The following TENM2 variants were observed in gnomAD, a reference collection of about 807,000 sequenced individuals.
The protein encoded by TENM2 is teneurin-2.
TENM2 carries 52 observed loss-of-function variants against 245.2 expected under a neutral mutation model. The observed-to-expected ratio is 0.21, with a 90% CI of 0.17 to 0.27. TENM2 has a LOEUF of 0.27. TENM2 is among the 10% of genes least tolerant of loss of function. The pLI, the probability that TENM2 is intolerant of heterozygous loss-of-function variation, is 1.00. For synonymous variants in TENM2, 1,363 were observed against 1,438.9 expected (o/e 0.95, Z 1.19); for missense variants, 3,046 against 3,666.8 (o/e 0.83, Z 4.37).
At chr5:168,253,994 C>T (rs144586735) in intron 27 of TENM2, among the ~76,000 whole-genome samples, 2 of 152,354 alleles carry the variant, frequency 1.3e-5, no homozygotes, top group African/African-American at 4.8e-5. Flanking sequence ...CTACGAACCC[C>T]AGGCACACTT....
the TENM2 span, among the ~76,000 whole-genome samples, chr5:167,112,901 C>T: frequency 6.6e-6 from 1 of 152,096 alleles, no homozygotes; most frequent in African/African-American, 2.4e-5. Context: ...ATGACAATGG[C>T]CTCTTTCCAA....
chr5:166,981,759 T>C, the TENM2 span, among the ~76,000 whole-genome samples: 5 of 152,308 alleles, frequency 3.3e-5, no homozygotes, highest in East Asian at 9.6e-4. Context: ...ATTTTTTTCC[T>C]ACTGAGGTTG....
the TENM2 span, among the ~76,000 whole-genome samples, chr5:167,086,843 C>A: frequency 6.6e-6 from 1 of 151,980 alleles, no homozygotes; most frequent in African/African-American, 2.4e-5. Flanking sequence ...ATCATAATCC[C>A]TTATCAGGGA....
the TENM2 span, among the ~76,000 whole-genome samples, chr5:167,048,048 G>A: frequency 3.3e-5 from 5 of 152,204 alleles, no homozygotes; most frequent in East Asian, 9.7e-4. Context: ...TATGCTCAGT[G>A]GCTTTGCCAG....
At chr5:167,050,000 G>T in the TENM2 span, among the ~76,000 whole-genome samples, 1 of 152,292 alleles carries the variant, frequency 6.6e-6, no homozygotes, top group East Asian at 1.9e-4. Flanking sequence ...ATGAGTCAAA[G>T]GTGGAGTTGA....
At chr5:167,550,609 C>T (rs1042988743) in intron 2 of TENM2, among the ~76,000 whole-genome samples, 2 of 152,018 alleles carry the variant, frequency 1.3e-5, no homozygotes, top group Non-Finnish European at 2.9e-5. Flanking sequence ...GAATCTTTCA[C>T]ACACTTACAC....
intron 2 of TENM2, among the ~76,000 whole-genome samples, chr5:167,435,341 C>A (rs745493940): frequency 6.6e-6 from 1 of 152,140 alleles, no homozygotes; most frequent in Non-Finnish European, 1.5e-5. Context: ...GTCTTTCCTA[C>A]GCTGTTATCG....
intron 2 of TENM2, among the ~76,000 whole-genome samples, chr5:167,437,961 AT>A (rs1764659840): frequency 1.3e-5 from 2 of 152,230 alleles, no homozygotes; most frequent in South Asian, 4.1e-4. Context: ...ATACAGATAC[AT>A]TGAAGTTCTC....
intron 5 of TENM2, among the ~76,000 whole-genome samples, chr5:168,031,926 A>G (rs893264317): frequency 3.3e-5 from 5 of 152,076 alleles, no homozygotes; most frequent in Non-Finnish European, 7.4e-5. Context: ...TTCCAAAGCT[A>G]CTCTAATCAC....
At chr5:167,466,347 G>A (rs549904351) in intron 2 of TENM2, among the ~76,000 whole-genome samples, 2 of 152,320 alleles carry the variant, frequency 1.3e-5, no homozygotes, top group South Asian at 4.1e-4. Context: ...TCAATTGGGT[G>A]TTAGAGACAC....
chr5:168,045,169 T>C (rs1020856454), intron 5 of TENM2, among the ~76,000 whole-genome samples: 1 of 152,210 alleles, frequency 6.6e-6, no homozygotes, highest in Non-Finnish European at 1.5e-5. Flanking sequence ...CTTATTTTTC[T>C]TCTCACTCCT....
the TENM2 span, among the ~76,000 whole-genome samples, chr5:167,217,691 T>C: frequency 6.8e-6 from 1 of 146,288 alleles, no homozygotes; most frequent in South Asian, 2.1e-4. Context: ...ATATATAAAA[T>C]GATAATATAT....
At chr5:166,984,477 A>G in the TENM2 span, among the ~76,000 whole-genome samples, 1 of 150,240 alleles carries the variant, frequency 6.7e-6, no homozygotes, top group African/African-American at 2.5e-5. Flanking sequence ...ATAAGTGTCT[A>G]TGTGGAAAAA....
At chr5:167,559,906 G>A (rs1224685067) in intron 2 of TENM2, among the ~76,000 whole-genome samples, 1 of 152,152 alleles carries the variant, frequency 6.6e-6, no homozygotes, top group Non-Finnish European at 1.5e-5. Flanking sequence ...GTCGACAAAT[G>A]CAGGCACTCC....
chr5:168,056,025 C>T (rs1006770094), intron 6 of TENM2, among the ~76,000 whole-genome samples: 1 of 152,234 alleles, frequency 6.6e-6, no homozygotes, highest in Admixed American at 6.5e-5. Flanking sequence ...TGTTTCCTTG[C>T]TGTCTGCCTC....
intron 2 of TENM2, among the ~76,000 whole-genome samples, chr5:167,717,176 G>A (rs1375639413): frequency 1.3e-5 from 2 of 151,808 alleles, no homozygotes; most frequent in Admixed American, 6.6e-5. Flanking sequence ...GGCTGGCCTC[G>A]AACTCCTGGC....
At chr5:167,974,406 A>G (rs1381029783) in intron 4 of TENM2, among the ~76,000 whole-genome samples, 1 of 144,036 alleles carries the variant, frequency 6.9e-6, no homozygotes, top group Non-Finnish European at 1.5e-5. Flanking sequence ...GGGAGGAAGG[A>G]AGGAAGGAAA....
At chr5:168,170,165 T>C (rs1471475180) in intron 13 of TENM2, among the ~76,000 whole-genome samples, 1 of 152,132 alleles carries the variant, frequency 6.6e-6, no homozygotes, top group Admixed American at 6.5e-5. Context: ...TAGAAAACTG[T>C]AAGGTAGGGG....
chr5:167,298,519 C>T (rs963465075), intron 1 of TENM2, among the ~76,000 whole-genome samples: 7 of 152,244 alleles, frequency 4.6e-5, no homozygotes, highest in East Asian at 1.9e-4. Flanking sequence ...AGGAGAATGG[C>T]GTAAACCCCA....
Sources: gnomAD v4.1 joint callset for allele counts (sites outside exome capture counted in the v4.1 genomes callset) on GRCh38, gnomAD v4.1.1 for gene constraint, MANE v1.5 for transcripts, NCBI Gene and HGNC (gene_info 2026-07-23, HGNC 2026-07-21) for gene names.